The following PSMA6 variants were observed in gnomAD, a reference collection of about 807,000 sequenced individuals.
The protein encoded by PSMA6 is proteasome 20S subunit alpha 6, also known as proteasome subunit alpha type-6.
For missense variants in PSMA6, 170 were observed against 294.8 expected (o/e 0.58, Z 3.10); for synonymous variants, 88 against 97.7 (o/e 0.90, Z 0.59).
At chr14:35,300,510 CAAT>C (rs2051691315) in intron 1 of PSMA6, among the ~76,000 whole-genome samples, 1 of 152,014 alleles carries the variant, frequency 6.6e-6, no homozygotes, top group African/African-American at 2.4e-5. Context: ...GCAGGAAGAA[CAAT>C]TAGAAGAGGT....
At chr14:35,315,110 T>C (rs2052021720) in intron 6 of PSMA6, 1 of 152,116 alleles carries the variant, frequency 6.6e-6, no homozygotes, top group South Asian at 2.1e-4. Flanking sequence ...GCAGTTGATA[T>C]ACCATGGACC....
rs763405168 is a variant in PSMA6 at position 35,310,820 on chromosome 14, G to A, written c.334G>A (p.Asp112Asn). 1 of 1,613,534 alleles carries A rather than the reference G, an allele frequency of 6.2e-7. No individual in the cohort carries two copies. Among genetic ancestry groups the A allele is most frequent in the Non-Finnish European group, 8.5e-7 (1 of 1,179,838 alleles). ...CAAGTATGGCTATGAGATTCCTGTG[G>A]ACATGCTGTGTAAAAGAATTGCCGA... is the stretch of plus-strand genomic sequence containing the variant. Reference protein sequence around the residue: ...KYKYGYEIPVDMLCKRIADIS... With the variant: ...KYKYGYEIPVNMLCKRIADIS... The change falls in exon 4 of 7, where the codon GAC becomes AAC. Residue 112 changes from aspartate to asparagine, a missense_variant. By Grantham distance (23) the Asp-to-Asn change is conservative. Coordinates refer to ENST00000261479, the MANE Select transcript of PSMA6 (RefSeq NM_002791.3).
intron 6 of PSMA6, chr14:35,317,017 A>AAAG (rs145297321): frequency 0.11 from 43,165 of 396,150 alleles, 2,736 homozygotes; most frequent in Middle Eastern, 0.16. Context: ...ATCTGATGTC[A>AAAG]AAGTAAACAT....
At chr14:35,309,719 TCGGGA>T (rs1235972756) in intron 3 of PSMA6, among the ~76,000 whole-genome samples, 3 of 151,980 alleles carry the variant, frequency 2.0e-5, no homozygotes, top group Non-Finnish European at 4.4e-5. Flanking sequence ...TTGCTTGAAC[TCGGGA>T]GGCAGAGGTT....
At chr14:35,317,055 T>G (rs2052057077) in intron 6 of PSMA6, 194 bp from the exon 7 acceptor site, 1 of 503,866 alleles carries the variant, frequency 2.0e-6, no homozygotes, top group Admixed American at 3.4e-5. Flanking sequence ...GGTGGTATAA[T>G]ATCTGGGAAT....
intron 3 of PSMA6, chr14:35,310,335 T>C (rs2051919860): frequency 5.5e-6 from 2 of 361,364 alleles, no homozygotes; most frequent in Non-Finnish European, 1.1e-5. Context: ...TTTATGTTTT[T>C]AGTAGAGACA....
intron 1 of PSMA6, among the ~76,000 whole-genome samples, chr14:35,300,595 G>A (rs2051693081): frequency 6.6e-6 from 1 of 152,126 alleles, no homozygotes; most frequent in Non-Finnish European, 1.5e-5. Flanking sequence ...GGGTGGAGGG[G>A]TCTCTTGAGC....
chr14:35,292,895 A>G (rs1240899769), intron 1 of PSMA6: 12 of 501,288 alleles, frequency 2.4e-5, no homozygotes, highest in Non-Finnish European at 4.3e-5. Flanking sequence ...TCTAAAGGGT[A>G]ATTGATTCCT....
rs1172197484 is a variant in PSMA6 at position 35,308,937 on chromosome 14, A to G, written c.195A>G (p.Thr65=). Residue 65 remains threonine, a synonymous_variant, in exon 3 of 7, where the codon ACA becomes ACG. Coordinates refer to ENST00000261479, the MANE Select transcript of PSMA6 (RefSeq NM_002791.3). The part of the protein sequence containing the change: ...KVPDKLLDSS[T]VTHLFKITEN... ...AGGACAAATTATTGGATTCCAGCAC[A>G]GTGACTCACTTATTCAAGATAACTG... is the stretch of plus-strand genomic sequence containing the variant. 3.7e-6 allele frequency: 6 copies of G among 1,609,112 alleles called. No individual in the cohort carries two copies. The highest frequency in any genetic ancestry group is 4.5e-5 in the East Asian group (2 of 44,776).
upstream of PSMA6, among the ~76,000 whole-genome samples, chr14:35,289,267 T>A (rs1421980477): frequency 6.6e-6 from 1 of 152,114 alleles, no homozygotes; most frequent in Non-Finnish European, 1.5e-5. Context: ...AAAACAAAAA[T>A]CCTTGCCATC....
intron 4 of PSMA6, among the ~76,000 whole-genome samples, chr14:35,311,271 G>T (rs956462441): frequency 6.6e-5 from 10 of 152,196 alleles, no homozygotes. Context: ...CCACCCTAAA[G>T]AATTAGGGTC....
At chr14:35,302,396 C>T (rs752663618) in intron 1 of PSMA6, among the ~76,000 whole-genome samples, 1 of 151,170 alleles carries the variant, frequency 6.6e-6, no homozygotes, top group Non-Finnish European at 1.5e-5. Context: ...GTTTAAACAA[C>T]ACACACTTAT....
chr14:35,304,434 G>T (rs2051781436), intron 1 of PSMA6, among the ~76,000 whole-genome samples: 1 of 152,100 alleles, frequency 6.6e-6, no homozygotes, highest in South Asian at 2.1e-4. Context: ...CATTTTAGAA[G>T]TTATTTGTAG....
intron 1 of PSMA6, among the ~76,000 whole-genome samples, chr14:35,300,208 C>A (rs1248176970): frequency 1.3e-5 from 2 of 152,156 alleles, no homozygotes; most frequent in Admixed American, 1.3e-4. Flanking sequence ...ATGGTTCACA[C>A]CTGGAATTCC....
intron 1 of PSMA6, among the ~76,000 whole-genome samples, chr14:35,305,463 A>G (rs550649463): frequency 6.6e-5 from 10 of 152,312 alleles, no homozygotes; most frequent in Non-Finnish European, 1.0e-4. Context: ...TGATTTTTCT[A>G]GAATCATTTT....
upstream of PSMA6, chr14:35,292,261 A>C: frequency 7.4e-7 from 1 of 1,354,796 alleles, no homozygotes; most frequent in Non-Finnish European, 9.5e-7. Flanking sequence ...ATACCTTCAA[A>C]GGCCTCCCGC....
At chr14:35,302,482 A>G (rs974198887) in intron 1 of PSMA6, among the ~76,000 whole-genome samples, 3 of 152,080 alleles carry the variant, frequency 2.0e-5, no homozygotes, top group African/African-American at 7.2e-5. Context: ...GTTTTCAGAC[A>G]TTGGACCATA....
chr14:35,305,918 A>G (rs1196466232), intron 1 of PSMA6, among the ~76,000 whole-genome samples: 5 of 152,024 alleles, frequency 3.3e-5, no homozygotes, highest in African/African-American at 1.2e-4. Context: ...CCCCATATCT[A>G]TTTTTAACTA....
Position 35,281,764 on chromosome 14 carries a change from AT to A in PSMA6, c.19+3055del, listed in dbSNP as rs569761414. On this transcript the variant is annotated intron_variant, in intron 1 of 6. Coordinates refer to the PSMA6 transcript ENST00000540871. The stretch of plus-strand genomic sequence containing the variant: ...TCTTCCCTAGGTTACTTAAAAAGAA[AT>A]TTTTTTTTAAATTATAAAATAGAGA... Among the ~76,000 whole-genome samples, 137 of 152,026 alleles carry A rather than the reference AT, an allele frequency of 9.0e-4. 1 individual carries two copies. The highest frequency in any genetic ancestry group is 3.2e-3 in the African/African-American group (132 of 41,498).
Sources: allele counts gnomAD v4.1 joint callset (sites outside exome capture counted in the v4.1 genomes callset), GRCh38; gene constraint gnomAD v4.1.1; transcripts MANE v1.5; gene names NCBI Gene and HGNC (gene_info 2026-07-23, HGNC 2026-07-21).